Variants in CYRIB observed in about 807,000 individuals in gnomAD.
CYRIB encodes CYFIP-related Rac1 interactor B.
In CYRIB, 8 loss-of-function variants were observed where a neutral mutation model predicts 44.2. The ratio of observed to expected loss-of-function variants is 0.18; its 90% CI spans 0.11 to 0.33. The LOEUF (loss-of-function observed/expected upper bound fraction) is 0.33, where lower values mean the gene tolerates loss of function less well. Ranked by LOEUF, CYRIB falls within the 10% of genes least tolerant of loss-of-function variation. The probability of loss-of-function intolerance (pLI) is 1.00; values close to 1 mark genes in which losing one functional copy is unlikely to be tolerated. For synonymous variants in CYRIB, 131 were observed against 127.2 expected (o/e 1.03, Z -0.20); for missense variants, 185 against 382.8 (o/e 0.48, Z 4.31).
intron 1 of CYRIB, among the ~76,000 whole-genome samples, chr8:129,919,536 T>C (rs1164401910): frequency 6.6e-6 from 1 of 152,110 alleles, no homozygotes; most frequent in Non-Finnish European, 1.5e-5. Flanking sequence ...TGGAGTTCTG[T>C]GGTTAAACTG....
At chr8:129,885,836 A>G (rs2062540605) in intron 2 of CYRIB, among the ~76,000 whole-genome samples, 1 of 151,790 alleles carries the variant, frequency 6.6e-6, no homozygotes, top group Non-Finnish European at 1.5e-5. Context: ...CTTTCTCATG[A>G]TCTCTTAAAA....
At chr8:129,878,379 A>G (rs1035275317) in intron 3 of CYRIB, among the ~76,000 whole-genome samples, 1 of 152,252 alleles carries the variant, frequency 6.6e-6, no homozygotes, top group African/African-American at 2.4e-5. Context: ...ATAAAATTGT[A>G]AAAACTAAAT....
intron 1 of CYRIB, among the ~76,000 whole-genome samples, chr8:129,923,721 A>C (rs2085359995): frequency 6.6e-6 from 1 of 152,118 alleles, no homozygotes; most frequent in Non-Finnish European, 1.5e-5. Context: ...CATCCTTGAT[A>C]GTACACCATT....
chr8:129,907,539 G>T (rs867602241), intron 1 of CYRIB, among the ~76,000 whole-genome samples: 1 of 152,048 alleles, frequency 6.6e-6, no homozygotes, highest in South Asian at 2.1e-4. Context: ...ACATGTATAT[G>T]TATGTAACAA....
chr8:129,921,702 T>C (rs916931064), intron 1 of CYRIB, among the ~76,000 whole-genome samples: 1 of 152,186 alleles, frequency 6.6e-6, no homozygotes, highest in Non-Finnish European at 1.5e-5. Flanking sequence ...GATGATGTAA[T>C]GCAATGGGAT....
chr8:129,905,118 G>C (rs2074536528), intron 1 of CYRIB, among the ~76,000 whole-genome samples: 1 of 152,120 alleles, frequency 6.6e-6, no homozygotes, highest in Non-Finnish European at 1.5e-5. Flanking sequence ...TGCAACTTCT[G>C]CTCCAGAACC....
chr8:129,868,978 G>C (rs1460871913), intron 4 of CYRIB, among the ~76,000 whole-genome samples: 2 of 142,860 alleles, frequency 1.4e-5, no homozygotes, highest in African/African-American at 5.2e-5. Flanking sequence ...CGGGAGGACT[G>C]CTTGAGGCCA....
intron 1 of CYRIB, among the ~76,000 whole-genome samples, chr8:129,987,190 C>A (rs1384497294): frequency 6.6e-6 from 1 of 152,228 alleles, no homozygotes; most frequent in African/African-American, 2.4e-5. Context: ...GGCCACGACA[C>A]AGGAGACAAA....
chr8:129,992,814 G>A (rs1272647556), intron 1 of CYRIB, among the ~76,000 whole-genome samples: 1 of 152,170 alleles, frequency 6.6e-6, no homozygotes, highest in Non-Finnish European at 1.5e-5. Context: ...AAGAAAATAT[G>A]ATAGTGGGAA....
At chr8:129,963,824 T>C (rs576065972) in intron 2 of CYRIB, among the ~76,000 whole-genome samples, 5 of 152,380 alleles carry the variant, frequency 3.3e-5, no homozygotes, top group Admixed American at 2.0e-4. Flanking sequence ...ATTGTGCAGA[T>C]AATGGAACGC....
At chr8:129,985,395 A>ACCC (rs368182796) in intron 1 of CYRIB, among the ~76,000 whole-genome samples, 2 of 151,162 alleles carry the variant, frequency 1.3e-5, no homozygotes, top group African/African-American at 4.9e-5. Context: ...TGCCTTACTC[A>ACCC]CCCCCTTGAA....
intron 2 of CYRIB, among the ~76,000 whole-genome samples, chr8:129,959,664 C>CT (rs1167742084): frequency 2.0e-5 from 3 of 152,044 alleles, no homozygotes; most frequent in African/African-American, 7.3e-5. Flanking sequence ...AGAGATAATA[C>CT]TTTTACCCAT....
intron 1 of CYRIB, among the ~76,000 whole-genome samples, chr8:130,001,764 G>A (rs1005326227): frequency 2.6e-5 from 4 of 152,070 alleles, no homozygotes; most frequent in African/African-American, 9.7e-5. Flanking sequence ...ACAGGTGCAA[G>A]CCACTGCACC....
At chr8:129,939,976 G>A (rs2093539685), upstream of CYRIB, 1 of 152,408 alleles carries the variant, frequency 6.6e-6, no homozygotes, top group Non-Finnish European at 1.5e-5. Context: ...AAGGGGCGGG[G>A]CGAAGCCAGA....
chr8:129,852,876 A>G (rs1343434871), intron 7 of CYRIB, among the ~76,000 whole-genome samples: 1 of 152,236 alleles, frequency 6.6e-6, no homozygotes, highest in Non-Finnish European at 1.5e-5. Flanking sequence ...GCTTAAGTTC[A>G]TATTTTTCTT....
intron 3 of CYRIB, among the ~76,000 whole-genome samples, chr8:129,875,664 C>G (rs190183699): frequency 6.6e-6 from 1 of 152,326 alleles, no homozygotes; most frequent in East Asian, 1.9e-4. Flanking sequence ...AAAAATCCTT[C>G]TATCAAGACT....
intron 1 of CYRIB, among the ~76,000 whole-genome samples, chr8:129,907,290 C>T (rs1479042207): frequency 6.6e-6 from 1 of 152,136 alleles, no homozygotes; most frequent in Admixed American, 6.5e-5. Flanking sequence ...AGTTTAGGTC[C>T]TTTGTAGGGA....
At position 129,872,903 on chromosome 8, in the gene CYRIB, T is replaced by C. The variant is rs368568949; in HGVS notation, c.74-1407A>G. ...TTTCTTTATTCCTTTACTTAGAACA[T>C]TGTAAAGAAACTTTGTTTACACGTG... On this transcript the variant is annotated intron_variant, in intron 3 of 11. Transcript: ENST00000519824. 2.0e-4 allele frequency among the ~76,000 whole-genome samples: 30 copies of C among 152,138 alleles called. No individual in the cohort carries two copies. The East Asian group carries it at 3.3e-3, about 17-fold the overall frequency.
At chr8:129,922,831 C>A (rs1279238250) in intron 1 of CYRIB, among the ~76,000 whole-genome samples, 1 of 150,966 alleles carries the variant, frequency 6.6e-6, no homozygotes, top group Admixed American at 6.6e-5. Context: ...CCACTGCACT[C>A]CAGCCTGGGC....
Sources: allele counts gnomAD v4.1 joint callset (sites outside exome capture counted in the v4.1 genomes callset), GRCh38; gene constraint gnomAD v4.1.1; transcripts MANE v1.5; gene names NCBI Gene and HGNC (gene_info 2026-07-23, HGNC 2026-07-21).